MAGI2: variants seen among roughly 807,000 people sequenced by gnomAD.
MAGI2 encodes membrane associated guanylate kinase, WW and PDZ domain containing 2.
MAGI2 carries 35 observed loss-of-function variants against 133.3 expected under a neutral mutation model. The ratio of observed to expected loss-of-function variants is 0.26; its 90% CI spans 0.20 to 0.35. The LOEUF (loss-of-function observed/expected upper bound fraction) is 0.35, where lower values mean the gene tolerates loss of function less well. MAGI2 is among the 10% of genes least tolerant of loss of function. MAGI2 has a pLI of 1.00. For missense variants in MAGI2, 1,636 were observed against 1,863.4 expected (o/e 0.88, Z 2.25); for synonymous variants, 729 against 710.6 (o/e 1.03, Z -0.41).
intron 1 of MAGI2, among the ~76,000 whole-genome samples, chr7:79,060,350 A>AT (rs1554346352): frequency 1.5e-4 from 23 of 152,154 alleles, no homozygotes; most frequent in South Asian, 4.1e-4. Flanking sequence ...TCATGCACAT[A>AT]TTTTTTTAAA....
rs150802748 is a variant in MAGI2, at chr7:79,453,258, G to A, written c.63C>T (p.Gly21=). The part of the protein sequence containing the change: ...WTSKVHESVI[G]RNPEGQLGFE... ...AGCCCAGCTGGCCCTCCGGGTTCCTGCCAATGACACTCTCATGGACTTTGC... is the reference window on the plus strand; with the variant it reads ...AGCCCAGCTGGCCCTCCGGGTTCCTACCAATGACACTCTCATGGACTTTGC... Residue 21 remains glycine, a synonymous_variant, in exon 1 of 22, where the codon GGC becomes GGT. Transcript: ENST00000354212. The A allele has an allele frequency of 5.6e-6, 9 of 1,614,066 alleles. No individual in the cohort carries two copies. The highest frequency in any genetic ancestry group is 7.6e-6 in the Non-Finnish European group (9 of 1,180,038).
chr7:79,274,421 T>G (rs1363290978), intron 1 of MAGI2, among the ~76,000 whole-genome samples: 3 of 152,010 alleles, frequency 2.0e-5, no homozygotes, highest in Non-Finnish European at 2.9e-5. Flanking sequence ...AGATCATTAT[T>G]TATTAGATCA....
At chr7:79,090,389 T>C (rs368103449) in intron 1 of MAGI2, among the ~76,000 whole-genome samples, 3 of 152,102 alleles carry the variant, frequency 2.0e-5, no homozygotes, top group African/African-American at 7.2e-5. Context: ...CTGGAAATAA[T>C]GGGTAGTGAC....
At chr7:78,933,795 T>C (rs553514966) in intron 2 of MAGI2, among the ~76,000 whole-genome samples, 3 of 152,178 alleles carry the variant, frequency 2.0e-5, no homozygotes, top group East Asian at 1.9e-4. Context: ...GTTTATAAGA[T>C]TGAAGAGAGA....
In MAGI2 at chr7:78,019,671, G is replaced by T. The variant is rs1379885951; in HGVS notation, c.4012C>A (p.Pro1338Thr). 7.3e-7 allele frequency: 1 copy of T among 1,365,414 alleles called. No individual in the cohort carries two copies. The highest frequency in any genetic ancestry group is 9.4e-7 in the Non-Finnish European group (1 of 1,063,272). The allele number at this position is 1,365,414 out of a possible 1,614,324, so 84.6% of individuals were successfully genotyped here. A position where few individuals can be genotyped will look rare whatever the true frequency, so the allele number is the denominator to read the frequency against. Residue 1338 changes from proline (P) to threonine (T), a missense_variant, in exon 22 of 22, where the codon CCC (proline) becomes ACC (threonine). By Grantham distance (38) the Pro-to-Thr change is conservative. Transcript: ENST00000354212. ...LEEAPGGQGR[P>T]EAGRPASEAR... ...TCCGAGGCGGGCCTGCCGGCCTCGG[G>T]CCGCCCCTGGCCGCCGGGCGCCTCC... is the stretch of plus-strand genomic sequence containing the variant.
At chr7:79,011,366 T>A (rs1808070470) in intron 1 of MAGI2, among the ~76,000 whole-genome samples, 1 of 152,120 alleles carries the variant, frequency 6.6e-6, no homozygotes, top group African/African-American at 2.4e-5. Context: ...CTTAAGGCAA[T>A]TTGTTAGCTC....
intron 2 of MAGI2, among the ~76,000 whole-genome samples, chr7:78,871,470 T>C (rs1795024967): frequency 6.6e-6 from 1 of 152,234 alleles, no homozygotes; most frequent in East Asian, 1.9e-4. Context: ...AAAAACCACC[T>C]GTTACCCTAG....
intron 20 of MAGI2, among the ~76,000 whole-genome samples, chr7:78,104,488 C>T (rs1818488209): frequency 6.6e-6 from 1 of 151,848 alleles, no homozygotes; most frequent in Admixed American, 6.6e-5. Context: ...TCCCAAAGTG[C>T]TGGGATTACA....
chr7:79,102,010 A>G (rs1287272631), intron 1 of MAGI2, among the ~76,000 whole-genome samples: 2 of 152,116 alleles, frequency 1.3e-5, no homozygotes, highest in African/African-American at 4.8e-5. Context: ...ACATTTGTTC[A>G]TACAAAAATC....
intron 13 of MAGI2, among the ~76,000 whole-genome samples, chr7:78,182,237 G>A (rs892679170): frequency 6.6e-6 from 1 of 152,082 alleles, no homozygotes; most frequent in Non-Finnish European, 1.5e-5. Flanking sequence ...AATCAAAAAA[G>A]GTTATTAAAC....
chr7:78,821,676 ACT>A (rs1207383944), intron 2 of MAGI2, among the ~76,000 whole-genome samples: 2 of 151,884 alleles, frequency 1.3e-5, no homozygotes, highest in East Asian at 1.9e-4. Context: ...AATATAAATA[ACT>A]CTTTTTCTAT....
At chr7:78,493,629 G>GT (rs35748485) in intron 5 of MAGI2, among the ~76,000 whole-genome samples, 57,264 of 150,946 alleles carry the variant, frequency 0.38, 10,944 homozygotes, top group South Asian at 0.53. Flanking sequence ...CAGGTACAAG[G>GT]TTTTTTTTTA....
intron 2 of MAGI2, among the ~76,000 whole-genome samples, chr7:78,890,927 A>G (rs1307798692): frequency 3.3e-5 from 5 of 152,226 alleles, no homozygotes; most frequent in Admixed American, 6.5e-5. Flanking sequence ...CAAAAAATCT[A>G]TGAATCCAGG....
intron 1 of MAGI2, among the ~76,000 whole-genome samples, chr7:79,210,015 A>C (rs1829375025): frequency 6.6e-6 from 1 of 152,066 alleles, no homozygotes; most frequent in South Asian, 2.1e-4. Flanking sequence ...ATGAAAGATA[A>C]AGACAAATGA....
At chr7:78,284,714 C>G (rs1795972152) in intron 9 of MAGI2, among the ~76,000 whole-genome samples, 1 of 152,032 alleles carries the variant, frequency 6.6e-6, no homozygotes, top group Non-Finnish European at 1.5e-5. Context: ...GTGGTTTTGT[C>G]TTCAGTGGAG....
rs1177859386 is a variant in MAGI2, at chr7:78,501,795, A to G, written c.755-8T>C. 2 of 1,609,844 alleles carry G rather than the reference A, an allele frequency of 1.2e-6. No individual in the cohort carries two copies. The highest frequency in any genetic ancestry group is 1.7e-5 in the Admixed American group (1 of 60,016). On this transcript the variant is annotated splice_polypyrimidine_tract_variant and splice_region_variant and intron_variant, in intron 4 of 21. Transcript: ENST00000354212. ...CTTCATGTTCACTGGATTCTATAAGAGAACAAGAGCACGTGGTTAGTCACT... is the reference window on the plus strand; with the variant it reads ...CTTCATGTTCACTGGATTCTATAAGGGAACAAGAGCACGTGGTTAGTCACT...
chr7:78,707,361 C>T (rs323167), intron 2 of MAGI2, among the ~76,000 whole-genome samples: 103,187 of 151,852 alleles, frequency 0.68, 35,188 homozygotes, highest in East Asian at 0.84. Context: ...TAAAATATGC[C>T]TGAAAGGTGA....
intron 1 of MAGI2, among the ~76,000 whole-genome samples, chr7:79,121,481 G>A (rs919376700): frequency 2.6e-5 from 4 of 151,738 alleles, no homozygotes; most frequent in South Asian, 2.1e-4. Flanking sequence ...TTCCTTAGGC[G>A]CTAGGTAGCA....
chr7:78,768,390 A>G (rs1352274330), intron 2 of MAGI2, among the ~76,000 whole-genome samples: 1 of 152,190 alleles, frequency 6.6e-6, no homozygotes, highest in African/African-American at 2.4e-5. Context: ...CATGTATAAA[A>G]GCAGCAATCG....
Sources: gnomAD v4.1 joint callset for allele counts (sites outside exome capture counted in the v4.1 genomes callset) on GRCh38, gnomAD v4.1.1 for gene constraint, MANE v1.5 for transcripts, NCBI Gene and HGNC (gene_info 2026-07-23, HGNC 2026-07-21) for gene names.